The following DNER variants were observed in gnomAD, a reference collection of about 807,000 sequenced individuals.
DNER encodes delta/notch like EGF repeat containing, also known as delta and Notch-like epidermal growth factor-related receptor.
DNER carries 33 observed loss-of-function variants against 78.2 expected under a neutral mutation model. The observed-to-expected ratio is 0.42, with a 90% CI of 0.32 to 0.56. The LOEUF is 0.56. Ranked by LOEUF, DNER falls within the 20% of genes least tolerant of loss-of-function variation. The probability of loss-of-function intolerance (pLI) is 0.11; values close to 1 mark genes in which losing one functional copy is unlikely to be tolerated. For synonymous variants in DNER, 417 were observed against 384.8 expected, an observed-to-expected ratio of 1.08 and a Z score of -0.98; for missense variants, 918 against 975.3, an observed-to-expected ratio of 0.94 and a Z score of 0.78.
chr2:229,442,926 A>C (rs556945610), intron 8 of DNER, among the ~76,000 whole-genome samples: 23 of 152,296 alleles, frequency 1.5e-4, no homozygotes, highest in African/African-American at 5.1e-4. Flanking sequence ...CACTTGGAAA[A>C]AGTCTACATT....
chr2:229,366,790 G>A (rs111775882), intron 12 of DNER, 83 bp downstream of exon 12: 7 of 1,564,276 alleles, frequency 4.5e-6, no homozygotes, highest in African/African-American at 2.7e-5. Flanking sequence ...CTTTGCAAAT[G>A]GAAAGTCCTG....
chr2:229,579,526 C>T (rs1447594489), intron 4 of DNER, among the ~76,000 whole-genome samples: 2 of 152,180 alleles, frequency 1.3e-5, no homozygotes, highest in Non-Finnish European at 1.5e-5. Flanking sequence ...CATACATCCT[C>T]CCACAGGTAG....
chr2:229,543,353 T>C (rs983455796), intron 5 of DNER, among the ~76,000 whole-genome samples: 1 of 152,140 alleles, frequency 6.6e-6, no homozygotes, highest in Non-Finnish European at 1.5e-5. Context: ...ATGAGTCCAT[T>C]TGAAGCTTCC....
At chr2:229,619,275 T>A (rs964764313) in intron 1 of DNER, among the ~76,000 whole-genome samples, 1 of 152,184 alleles carries the variant, frequency 6.6e-6, no homozygotes, top group East Asian at 1.9e-4. Flanking sequence ...ATGCACTGTA[T>A]GCCTGGAGAA....
chr2:229,452,137 T>C (rs955269998), intron 7 of DNER, among the ~76,000 whole-genome samples: 1 of 152,238 alleles, frequency 6.6e-6, no homozygotes, highest in Admixed American at 6.5e-5. Flanking sequence ...ATTTTCATTA[T>C]TTATATCTCT....
At chr2:229,701,432 T>C (rs1349376790) in intron 1 of DNER, among the ~76,000 whole-genome samples, 1 of 152,234 alleles carries the variant, frequency 6.6e-6, no homozygotes, top group African/African-American at 2.4e-5. Flanking sequence ...TGTACAATAT[T>C]TGGGACACAC....
At chr2:229,387,673 A>G (rs966957281) in intron 11 of DNER, among the ~76,000 whole-genome samples, 3 of 152,160 alleles carry the variant, frequency 2.0e-5, no homozygotes, top group African/African-American at 7.2e-5. Flanking sequence ...TTTAAGGTAT[A>G]AAATCTTGAT....
At chr2:229,554,857 A>G (rs140514320) in intron 4 of DNER, among the ~76,000 whole-genome samples, 4 of 51,194 alleles carry the variant, frequency 7.8e-5, no homozygotes, top group African/African-American at 3.0e-4. Context: ...CCTGAAAGGA[A>G]AAGAGAAGAG....
At chr2:229,417,028 C>A (rs151287528) in intron 9 of DNER, among the ~76,000 whole-genome samples, 1 of 152,154 alleles carries the variant, frequency 6.6e-6, no homozygotes, top group Admixed American at 6.5e-5. Flanking sequence ...ATGAAGCCAG[C>A]ACATCTGCTG....
At chr2:229,597,034 T>C (rs1308185260) in intron 1 of DNER, among the ~76,000 whole-genome samples, 6 of 140,348 alleles carry the variant, frequency 4.3e-5, no homozygotes, top group African/African-American at 7.8e-5. Flanking sequence ...CACGCACACA[T>C]ATACATGTAC....
In DNER at chr2:229,394,597, C is replaced by T. The variant is rs78821666; in HGVS notation, c.1724-6201G>A. 6.6e-4 allele frequency among the ~76,000 whole-genome samples: 100 copies of T among 152,236 alleles called. No individual in the cohort carries two copies. In the East Asian group the frequency reaches 0.014, roughly 21 times the overall value. Reference sequence around the variant, plus strand: ...GGAGTGGTGTGGCTCACCTTTTAGACGCTTGTGTGTGGGTACAGGGACACC... The same window carrying T: ...GGAGTGGTGTGGCTCACCTTTTAGATGCTTGTGTGTGGGTACAGGGACACC... On this transcript the variant is annotated intron_variant, in intron 10 of 12. Coordinates refer to ENST00000341772, the MANE Select transcript of DNER (RefSeq NM_139072.4).
At chr2:229,414,952 C>T (rs373447228) in intron 9 of DNER, among the ~76,000 whole-genome samples, 15 of 152,222 alleles carry the variant, frequency 9.9e-5, no homozygotes, top group African/African-American at 1.9e-4. Flanking sequence ...CACCTGAGGT[C>T]GGGAGTTCAA....
chr2:229,424,411 G>A (rs1693831293), intron 8 of DNER, among the ~76,000 whole-genome samples: 1 of 152,162 alleles, frequency 6.6e-6, no homozygotes, highest in Non-Finnish European at 1.5e-5. Context: ...TGTCTAGTAT[G>A]TTAGTTTATT....
At chr2:229,647,259 C>A (rs578099237) in intron 1 of DNER, among the ~76,000 whole-genome samples, 2 of 152,094 alleles carry the variant, frequency 1.3e-5, no homozygotes, top group Non-Finnish European at 2.9e-5. Context: ...GAGGAGAGAG[C>A]CAAATGTAAC....
Position 229,512,869 on chromosome 2 carries a change from T to G in DNER, c.1061A>C (p.Gln354Pro), listed in dbSNP as rs751461005. 2.5e-6 allele frequency: 4 copies of G among 1,614,182 alleles called. No individual in the cohort carries two copies. The East Asian group carries it at 8.9e-5, about 36-fold the overall frequency. Reference sequence around the variant, plus strand: ...CGCGTTGTTTTGGCAAGGTTTCCTCTGGCAAGCATCGTATTCTTCACAGAA... The same window carrying G: ...CGCGTTGTTTTGGCAAGGTTTCCTCGGGCAAGCATCGTATTCTTCACAGAA... ...GTFCEEYDAC[Q>P]RKPCQNNASC... The change falls in exon 6 of 13, where the codon CAG becomes CCG. Residue 354 changes from glutamine (Q) to proline (P), a missense_variant. Physicochemically the swap from Gln to Pro is moderately conservative, Grantham distance 76. Transcript: ENST00000341772.
At chr2:229,670,145 G>GA (rs1699183091) in intron 1 of DNER, among the ~76,000 whole-genome samples, 3 of 152,234 alleles carry the variant, frequency 2.0e-5, no homozygotes, top group South Asian at 4.1e-4. Flanking sequence ...TTTGTGGACA[G>GA]AAAAAACTGA....
chr2:229,438,625 G>C (rs1694175009), intron 8 of DNER, among the ~76,000 whole-genome samples: 2 of 152,180 alleles, frequency 1.3e-5, no homozygotes, highest in Non-Finnish European at 2.9e-5. Context: ...AGCCAGATGG[G>C]ATGAAGTCAC....
At chr2:229,615,520 T>C (rs1020494783) in intron 1 of DNER, among the ~76,000 whole-genome samples, 6 of 151,468 alleles carry the variant, frequency 4.0e-5, no homozygotes, top group Non-Finnish European at 8.8e-5. Context: ...CCATCCTGGC[T>C]AACATGGTGA....
At chr2:229,609,220 T>C (rs745904878) in intron 1 of DNER, among the ~76,000 whole-genome samples, 1 of 152,154 alleles carries the variant, frequency 6.6e-6, no homozygotes, top group Non-Finnish European at 1.5e-5. Context: ...TGAAACTCTG[T>C]CTCAAAAATA....
Sources: allele counts gnomAD v4.1 joint callset (sites outside exome capture counted in the v4.1 genomes callset), GRCh38; gene constraint gnomAD v4.1.1; transcripts MANE v1.5; gene names NCBI Gene and HGNC (gene_info 2026-07-23, HGNC 2026-07-21).